TANK: variants seen among roughly 807,000 people sequenced by gnomAD.
TANK encodes the protein TRAF family member associated NFKB activator, also known as TRAF family member-associated NF-kappa-B activator.
Under a neutral mutation model 43.6 loss-of-function variants are expected in TANK, and 15 were observed. The observed-to-expected ratio is 0.34, with a 90% confidence interval of 0.23 to 0.53. The LOEUF is 0.53. Ranked by LOEUF, TANK falls within the 20% of genes least tolerant of loss-of-function variation. The pLI is 0.94. For synonymous variants in TANK, 162 were observed against 178.2 expected, an observed-to-expected ratio of 0.91 and a Z score of 0.73; for missense variants, 417 against 498.6, an observed-to-expected ratio of 0.84 and a Z score of 1.56.
chr2:161,167,686 G>A (rs763405986), intron 1 of TANK, among the ~76,000 whole-genome samples: 18 of 152,102 alleles, frequency 1.2e-4, no homozygotes, highest in Admixed American at 4.6e-4. Context: ...GCAGTGGCGC[G>A]ATCTTGTCTC....
chr2:161,199,665 C>T (rs1338157304), intron 2 of TANK, among the ~76,000 whole-genome samples: 1 of 152,132 alleles, frequency 6.6e-6, no homozygotes, highest in Non-Finnish European at 1.5e-5. Context: ...GTATGGGCAA[C>T]CATTTTTGAT....
chr2:161,212,703 A>ACTTGT (rs1686945314), intron 4 of TANK: 1 of 985,052 alleles, frequency 1.0e-6, no homozygotes, highest in African/African-American at 1.7e-5. Flanking sequence ...TTTATTTAAA[A>ACTTGT]CTTGTCTTCA....
intron 2 of TANK, among the ~76,000 whole-genome samples, chr2:161,197,796 C>G (rs767060645): frequency 1.3e-5 from 2 of 152,108 alleles, no homozygotes; most frequent in Non-Finnish European, 2.9e-5. Flanking sequence ...AACTTAATAC[C>G]TCCTAAAAGG....
chr2:161,192,182 C>T (rs1257159875), intron 2 of TANK, among the ~76,000 whole-genome samples: 1 of 152,184 alleles, frequency 6.6e-6, no homozygotes, highest in African/African-American at 2.4e-5. Context: ...CTAGTCCAGA[C>T]CTGCCCTCTG....
intron 1 of TANK, chr2:161,163,408 C>G (rs1684529620): frequency 6.6e-6 from 1 of 151,792 alleles, no homozygotes; most frequent in Non-Finnish European, 1.5e-5. Context: ...GGTTATTTCC[C>G]CCCTACACAC....
intron 4 of TANK, chr2:161,222,834 A>G (rs1035589111): frequency 3.9e-5 from 6 of 152,066 alleles, no homozygotes; most frequent in African/African-American, 1.2e-4. Context: ...CTATAAAAAT[A>G]ATACTCTATA....
At chr2:161,207,464 G>A in intron 4 of TANK, 1 of 983,680 alleles carries the variant, frequency 1.0e-6, no homozygotes, top group Non-Finnish European at 1.2e-6. Flanking sequence ...TTGCAGTTCA[G>A]CTTTCTCTTT....
intron 4 of TANK, among the ~76,000 whole-genome samples, chr2:161,209,938 C>G (rs1239149208): frequency 6.6e-6 from 1 of 152,110 alleles, no homozygotes; most frequent in Non-Finnish European, 1.5e-5. Context: ...TATGAGTTCA[C>G]TAATTAAATA....
At chr2:161,192,285 T>C (rs566773173) in intron 2 of TANK, among the ~76,000 whole-genome samples, 6 of 152,316 alleles carry the variant, frequency 3.9e-5, no homozygotes, top group South Asian at 2.1e-4. Context: ...TTTTCTCACC[T>C]GTACCATTGC....
chr2:161,159,020 C>G (rs188030709), upstream of TANK: 178 of 152,252 alleles, frequency 1.2e-3, 1 homozygote, highest in African/African-American at 4.0e-3. Context: ...ATTAGAATGG[C>G]CAAAATCCAG....
chr2:161,179,540 A>G (rs1431598926), intron 1 of TANK, 74 bp from the exon 2 acceptor site: 4 of 1,326,750 alleles, frequency 3.0e-6, no homozygotes, highest in South Asian at 3.1e-5. Flanking sequence ...TTATAGAACT[A>G]TCTTTAAGAT....
At chr2:161,171,643 T>G (rs1391339953) in intron 1 of TANK, among the ~76,000 whole-genome samples, 1 of 152,210 alleles carries the variant, frequency 6.6e-6, no homozygotes, top group African/African-American at 2.4e-5. Flanking sequence ...TAAAGAGAAA[T>G]TAGGCCCTTT....
intron 4 of TANK, among the ~76,000 whole-genome samples, chr2:161,220,979 T>C (rs1029375509): frequency 6.6e-6 from 1 of 152,242 alleles, no homozygotes; most frequent in African/African-American, 2.4e-5. Flanking sequence ...ATTTTTGATA[T>C]AATACCCATC....
intron 2 of TANK, among the ~76,000 whole-genome samples, chr2:161,191,889 A>G (rs1485742262): frequency 2.0e-5 from 3 of 151,882 alleles, no homozygotes. Context: ...TTGGGTTCAA[A>G]TGATACTCCT....
intron 2 of TANK, among the ~76,000 whole-genome samples, chr2:161,182,197 C>T (rs1295208546): frequency 6.6e-6 from 1 of 151,820 alleles, no homozygotes; most frequent in African/African-American, 2.4e-5. Flanking sequence ...CAATTGTGAC[C>T]AAATGTGTGT....
At chr2:161,148,495 C>T (rs1402804585) in intron 1 of TANK, among the ~76,000 whole-genome samples, 2 of 152,126 alleles carry the variant, frequency 1.3e-5, no homozygotes, top group African/African-American at 4.8e-5. Context: ...AGTGTCTTGA[C>T]ATCTTTCAAT....
chr2:161,199,170 C>T (rs752586166), intron 2 of TANK, among the ~76,000 whole-genome samples: 3 of 151,978 alleles, frequency 2.0e-5, no homozygotes, highest in African/African-American at 4.8e-5. Context: ...GTGGTAGCCA[C>T]GCAAATCCTT....
chr2:161,156,409 T>G, upstream of TANK: 1 of 951,760 alleles, frequency 1.1e-6, no homozygotes, highest in Non-Finnish European at 1.3e-6. Context: ...TATCTTAGTC[T>G]AATAGCTTAT....
rs933044532 is a variant in TANK at position 161,201,288 on chromosome 2, ATTAT to A, written c.100-2189_100-2186del. The A allele has an allele frequency of 9.8e-6, 9 of 914,308 alleles. No individual in the cohort carries two copies. In the African/African-American group the frequency reaches 1.1e-4, roughly 11 times the overall value. The allele number at this position is 914,308 out of a possible 1,614,324, so 56.6% of individuals were successfully genotyped here. A position where few individuals can be genotyped will look rare whatever the true frequency, so the allele number is the denominator to read the frequency against. Reference sequence around the variant, plus strand: ...CTTAGCTATTGAATACATTTTCAGGATTATTTATTTATTGTAATATCTTATATGC... The same window carrying A: ...CTTAGCTATTGAATACATTTTCAGGATTATTTATTGTAATATCTTATATGC... On this transcript the variant is annotated intron_variant, in intron 2 of 7. Transcript: ENST00000392749.
Sources: allele counts gnomAD v4.1 joint callset (sites outside exome capture counted in the v4.1 genomes callset), GRCh38; gene constraint gnomAD v4.1.1; transcripts MANE v1.5; gene names NCBI Gene and HGNC (gene_info 2026-07-23, HGNC 2026-07-21).